The following MUCL1 variants were observed in gnomAD, a reference collection of about 807,000 sequenced individuals.
MUCL1 encodes the protein mucin like 1.
A neutral mutation model predicts 9.2 loss-of-function variants in MUCL1; 11 were observed. The ratio of observed to expected loss-of-function variants is 1.19; its 90% CI spans 0.75 to 1.97. The LOEUF is 1.97. Among genes scored for constraint, MUCL1 ranks in the 30% most tolerant of loss-of-function variants. MUCL1 has a pLI of 0.00. For missense variants in MUCL1, 144 were observed against 110.9 expected (o/e 1.30, Z -1.34); for synonymous variants, 48 against 40.5 (o/e 1.19, Z -0.71).
chr12:54,838,599 A>G (rs1959197310), upstream of MUCL1, among the ~76,000 whole-genome samples: 1 of 151,844 alleles, frequency 6.6e-6, no homozygotes, highest in African/African-American at 2.4e-5. Flanking sequence ...ATAATCCCAT[A>G]TTTCTTGGAG....
intron 1 of MUCL1, among the ~76,000 whole-genome samples, chr12:54,831,591 A>G (rs35209770): frequency 6.6e-6 from 1 of 152,216 alleles, no homozygotes; most frequent in East Asian, 1.9e-4. Flanking sequence ...GTAACTTGAA[A>G]CCTTAAGTTA....
chr12:54,842,183 T>C (rs571682631), intron 1 of MUCL1, among the ~76,000 whole-genome samples: 49 of 152,214 alleles, frequency 3.2e-4, no homozygotes, highest in South Asian at 1.2e-3. Context: ...TTTTGGATAG[T>C]TCCTGCAGAG....
At chr12:54,838,417 T>C (rs1358829374), upstream of MUCL1, among the ~76,000 whole-genome samples, 1 of 152,202 alleles carries the variant, frequency 6.6e-6, no homozygotes, top group East Asian at 1.9e-4. Context: ...TGGTAATGTC[T>C]TTTTGTCATG....
chr12:54,848,942 A>C (rs1210236283), intron 1 of MUCL1, among the ~76,000 whole-genome samples: 1 of 152,218 alleles, frequency 6.6e-6, no homozygotes, highest in Non-Finnish European at 1.5e-5. Context: ...ATAAGGGTAC[A>C]TTAAAAAGTA....
chr12:54,857,231 AGT>A (rs34504933), intron 3 of MUCL1, among the ~76,000 whole-genome samples: 11,969 of 142,264 alleles, frequency 0.084, 559 homozygotes, highest in African/African-American at 0.13. Flanking sequence ...TAAATCAGGT[AGT>A]GTGTGTGTGT....
intron 3 of MUCL1, 42 bp from the exon 4 acceptor site, chr12:54,858,151 T>C: frequency 6.2e-7 from 1 of 1,611,224 alleles, no homozygotes; most frequent in Non-Finnish European, 8.5e-7. Flanking sequence ...ACATTCTTCA[T>C]CCTTTGTCGA....
intron 1 of MUCL1, among the ~76,000 whole-genome samples, chr12:54,845,514 C>A (rs1399370311): frequency 6.6e-6 from 1 of 151,712 alleles, no homozygotes; most frequent in Non-Finnish European, 1.5e-5. Context: ...AACAAGGCAC[C>A]CTTCACTTCA....
chr12:54,851,313 A>G (rs1245157917), upstream of MUCL1, among the ~76,000 whole-genome samples: 1 of 152,146 alleles, frequency 6.6e-6, no homozygotes, highest in Non-Finnish European at 1.5e-5. Flanking sequence ...TAAGTCTTTA[A>G]ATCATCTTAA....
chr12:54,855,680 A>G (rs1432526716), intron 2 of MUCL1, among the ~76,000 whole-genome samples: 1 of 152,142 alleles, frequency 6.6e-6, no homozygotes, highest in Non-Finnish European at 1.5e-5. Context: ...CCCTTCTCTA[A>G]CCTGAAAACG....
At chr12:54,848,026 C>T (rs1157379743) in intron 1 of MUCL1, among the ~76,000 whole-genome samples, 1 of 135,616 alleles carries the variant, frequency 7.4e-6, no homozygotes, top group Non-Finnish European at 1.6e-5. Flanking sequence ...CATCTCAATT[C>T]TTTTTTTTTT....
chr12:54,842,296 A>G (rs1242112750), intron 1 of MUCL1, among the ~76,000 whole-genome samples: 1 of 152,078 alleles, frequency 6.6e-6, no homozygotes, highest in African/African-American at 2.4e-5. Flanking sequence ...ATATATATAT[A>G]TAAATACAAT....
chr12:54,834,513 T>G (rs996509609), upstream of MUCL1, among the ~76,000 whole-genome samples: 1 of 152,048 alleles, frequency 6.6e-6, no homozygotes, highest in African/African-American at 2.4e-5. Context: ...ATATTTAAGG[T>G]AAACAATGTA....
At chr12:54,843,565 A>G (rs2135941899) in intron 1 of MUCL1, among the ~76,000 whole-genome samples, 1 of 152,336 alleles carries the variant, frequency 6.6e-6, no homozygotes, top group South Asian at 2.1e-4. Flanking sequence ...ATCCTGGATT[A>G]TTCAGGTAGG....
At chr12:54,841,555 T>A (rs1468266743) in intron 1 of MUCL1, among the ~76,000 whole-genome samples, 1 of 152,208 alleles carries the variant, frequency 6.6e-6, no homozygotes, top group Non-Finnish European at 1.5e-5. Context: ...GGAGGTGATA[T>A]CACATTGTGG....
At chr12:54,850,160 CA>C (rs1959315692), upstream of MUCL1, among the ~76,000 whole-genome samples, 1 of 152,044 alleles carries the variant, frequency 6.6e-6, no homozygotes, top group Non-Finnish European at 1.5e-5. Context: ...TATAACTACT[CA>C]TTTTTTTTTA....
At chr12:54,854,451 C>A (rs1390993557), upstream of MUCL1, 1 of 655,980 alleles carries the variant, frequency 1.5e-6, no homozygotes, top group Non-Finnish European at 2.6e-6. Flanking sequence ...AACCTGGATT[C>A]TGGTTGACAG....
intron 1 of MUCL1, 76 bp downstream of exon 1, chr12:54,854,716 A>G: frequency 5.9e-6 from 8 of 1,358,726 alleles, no homozygotes; most frequent in Non-Finnish European, 8.3e-6. Context: ...ATGTGGGCTT[A>G]TGGTTGCTTA....
intron 1 of MUCL1, among the ~76,000 whole-genome samples, chr12:54,846,484 G>A (rs1185606716): frequency 6.6e-6 from 1 of 152,192 alleles, no homozygotes; most frequent in Non-Finnish European, 1.5e-5. Context: ...CTTCATGGGA[G>A]AGTATTTTGT....
upstream of MUCL1, among the ~76,000 whole-genome samples, chr12:54,850,467 T>C (rs536208863): frequency 6.6e-6 from 1 of 152,120 alleles, no homozygotes; most frequent in Non-Finnish European, 1.5e-5. Context: ...GCTTCATCCA[T>C]GTCCCTACAA....
Sources: allele counts gnomAD v4.1 joint callset (sites outside exome capture counted in the v4.1 genomes callset), GRCh38; gene constraint gnomAD v4.1.1; transcripts MANE v1.5; gene names NCBI Gene and HGNC (gene_info 2026-07-23, HGNC 2026-07-21).